Variants in ARB2A observed in about 807,000 individuals in gnomAD.
ARB2A encodes the protein ARB2 cotranscriptional regulator A.
chr5:94,079,092 T>A, the ARB2A span, among the ~76,000 whole-genome samples: 4 of 152,198 alleles, frequency 2.6e-5, no homozygotes, highest in Non-Finnish European at 5.9e-5. Flanking sequence ...GCACAAATAA[T>A]AAAGTCTCAC....
chr5:93,958,009 CT>C, the ARB2A span, among the ~76,000 whole-genome samples: 1 of 151,850 alleles, frequency 6.6e-6, no homozygotes, highest in African/African-American at 2.4e-5. Flanking sequence ...GAAATTCACA[CT>C]TTGCAAAATT....
At chr5:94,085,138 C>T in the ARB2A span, among the ~76,000 whole-genome samples, 2 of 152,214 alleles carry the variant, frequency 1.3e-5, no homozygotes, top group African/African-American at 2.4e-5. Flanking sequence ...AGCAATCTCA[C>T]ACCTTGGTCC....
the ARB2A span, among the ~76,000 whole-genome samples, chr5:93,795,574 C>T: frequency 6.6e-6 from 1 of 152,162 alleles, no homozygotes; most frequent in Non-Finnish European, 1.5e-5. Context: ...GAGCTGCATA[C>T]TAGTCCTGCC....
At chr5:93,647,236 T>C in the ARB2A span, among the ~76,000 whole-genome samples, 2 of 151,860 alleles carry the variant, frequency 1.3e-5, no homozygotes, top group Admixed American at 1.3e-4. Flanking sequence ...CATTTTTTCT[T>C]CCCCCCCGAG....
At chr5:93,667,472 T>A in the ARB2A span, among the ~76,000 whole-genome samples, 37 of 152,240 alleles carry the variant, frequency 2.4e-4, no homozygotes, top group East Asian at 7.1e-3. Context: ...GGTTGGTGGG[T>A]GGGGGCAGAG....
chr5:93,826,549 T>G, the ARB2A span, among the ~76,000 whole-genome samples: 1 of 152,168 alleles, frequency 6.6e-6, no homozygotes, highest in Non-Finnish European at 1.5e-5. Flanking sequence ...GCTCTCCATA[T>G]CCAGCTGAAA....
the ARB2A span, among the ~76,000 whole-genome samples, chr5:93,944,275 G>A: frequency 6.6e-6 from 1 of 151,830 alleles, no homozygotes; most frequent in Non-Finnish European, 1.5e-5. Context: ...CTCTATTCTT[G>A]CCACAAATGT....
chr5:94,003,730 C>A, the ARB2A span, among the ~76,000 whole-genome samples: 1 of 151,828 alleles, frequency 6.6e-6, no homozygotes, highest in Admixed American at 6.6e-5. Flanking sequence ...AAAGACATAC[C>A]GTGTTCATGG....
At chr5:93,668,537 A>AC in the ARB2A span, among the ~76,000 whole-genome samples, 1 of 152,244 alleles carries the variant, frequency 6.6e-6, no homozygotes, top group African/African-American at 2.4e-5. Context: ...TTTAAAAGCA[A>AC]CATGAGGACA....
At chr5:93,645,684 G>T in the ARB2A span, among the ~76,000 whole-genome samples, 1 of 151,938 alleles carries the variant, frequency 6.6e-6, no homozygotes, top group Admixed American at 6.6e-5. Context: ...TAAAATGATT[G>T]TTAGAGAATG....
the ARB2A span, among the ~76,000 whole-genome samples, chr5:93,662,252 T>C: frequency 6.6e-6 from 1 of 152,116 alleles, no homozygotes; most frequent in African/African-American, 2.4e-5. Flanking sequence ...GTATTAGGGG[T>C]TGGGTTAGCT....
chr5:93,846,024 C>G, the ARB2A span, among the ~76,000 whole-genome samples: 22 of 151,978 alleles, frequency 1.4e-4, no homozygotes, highest in East Asian at 3.3e-3. Flanking sequence ...CACACACACA[C>G]ACACACACAC....
At chr5:93,984,147 TTAG>T in the ARB2A span, among the ~76,000 whole-genome samples, 241 of 152,148 alleles carry the variant, frequency 1.6e-3, no homozygotes, top group African/African-American at 5.0e-3. Context: ...CACAAATATA[TTAG>T]TAGTAAAGGG....
the ARB2A span, among the ~76,000 whole-genome samples, chr5:93,780,700 C>T: frequency 6.6e-6 from 1 of 152,142 alleles, no homozygotes; most frequent in East Asian, 1.9e-4. Context: ...GCTGGGATTA[C>T]GGGCGCCTGC....
chr5:94,021,045 TAAATA>T, the ARB2A span, among the ~76,000 whole-genome samples: 1 of 151,904 alleles, frequency 6.6e-6, no homozygotes, highest in Non-Finnish European at 1.5e-5. Flanking sequence ...GTGTAATAAA[TAAATA>T]AAATAAGATA....
the ARB2A span, among the ~76,000 whole-genome samples, chr5:93,922,606 A>AGGGAG: frequency 1.2e-5 from 1 of 81,938 alleles, no homozygotes; most frequent in Admixed American, 1.5e-4. Flanking sequence ...GGGGAGGGGA[A>AGGGAG]GGGAGGGGAG....
the ARB2A span, among the ~76,000 whole-genome samples, chr5:94,086,155 T>C: frequency 1.3e-5 from 2 of 152,204 alleles, no homozygotes; most frequent in African/African-American, 4.8e-5. Flanking sequence ...ATTACAGATA[T>C]GGAGGCCACT....
At chr5:94,099,685 C>A in the ARB2A span, among the ~76,000 whole-genome samples, 1 of 96,956 alleles carries the variant, frequency 1.0e-5, no homozygotes, top group Non-Finnish European at 2.2e-5. Context: ...ATCACATAAA[C>A]AGAACTAAAG....
chr5:94,102,278 C>T, the ARB2A span, among the ~76,000 whole-genome samples: 1 of 151,690 alleles, frequency 6.6e-6, no homozygotes, highest in African/African-American at 2.4e-5. Flanking sequence ...TCTAAGGAAT[C>T]CAATAAAATA....
Sources: allele counts gnomAD v4.1 joint callset (sites outside exome capture counted in the v4.1 genomes callset), GRCh38; gene constraint gnomAD v4.1.1; transcripts MANE v1.5; gene names NCBI Gene and HGNC (gene_info 2026-07-23, HGNC 2026-07-21).